The following DNM3 variants were observed in gnomAD, a reference collection of about 807,000 sequenced individuals.
DNM3 encodes the protein dynamin-3.
A neutral mutation model predicts 101.6 loss-of-function variants in DNM3; 47 were observed. The ratio of observed to expected loss-of-function variants is 0.46; its 90% CI spans 0.37 to 0.59. The LOEUF (loss-of-function observed/expected upper bound fraction) is 0.59. Among genes scored for constraint, DNM3 ranks in the 20% least tolerant of loss-of-function variants. The probability of loss-of-function intolerance (pLI) is 0.00; values close to 1 mark genes in which losing one functional copy is unlikely to be tolerated. For synonymous variants in DNM3, 385 were observed against 387.9 expected (o/e 0.99, Z 0.09); for missense variants, 849 against 1,085.7 (o/e 0.78, Z 3.06).
In DNM3 at chr1:172,120,092, T is replaced by A. The variant is rs79563714; in HGVS notation, c.1546-11083T>A. On this transcript the variant is annotated intron_variant, in intron 13 of 20. Coordinates refer to ENST00000627582, the MANE Select transcript of DNM3 (RefSeq NM_015569.5). ...AGAACTTTTCATGTGCAAATATGTA[T>A]TAGTCTGTTCTCACACTGCTAATAA... Among the ~76,000 whole-genome samples, 469 of 152,322 alleles carry A rather than the reference T, an allele frequency of 3.1e-3. 2 individuals carry two copies. Among genetic ancestry groups the A allele is most frequent in the Admixed American group, 3.7e-3 (56 of 15,300 alleles).
At chr1:172,361,524 G>T (rs111301305) in intron 17 of DNM3, among the ~76,000 whole-genome samples, 1 of 151,790 alleles carries the variant, frequency 6.6e-6, no homozygotes, top group African/African-American at 2.4e-5. Context: ...TTTACTGCAG[G>T]GTTCTCAAAC....
intron 1 of DNM3, among the ~76,000 whole-genome samples, chr1:171,865,360 T>A (rs1032457301): frequency 1.3e-4 from 19 of 151,330 alleles, no homozygotes; most frequent in African/African-American, 4.6e-4. Context: ...TACAAAAAAA[T>A]ACAAGAATTA....
At chr1:172,229,281 A>G (rs2061247256) in intron 14 of DNM3, among the ~76,000 whole-genome samples, 1 of 152,192 alleles carries the variant, frequency 6.6e-6, no homozygotes, top group Non-Finnish European at 1.5e-5. Flanking sequence ...AGAACTAGAA[A>G]CATTTCTCTA....
intron 12 of DNM3, among the ~76,000 whole-genome samples, chr1:172,091,132 A>G (rs573362705): frequency 8.3e-4 from 127 of 152,240 alleles, no homozygotes; most frequent in Non-Finnish European, 1.4e-3. Flanking sequence ...CTCTGTGCTT[A>G]TGTCTAAAAT....
chr1:172,394,539 T>C (rs1558085969), intron 20 of DNM3: 1 of 152,260 alleles, frequency 6.6e-6, no homozygotes, highest in Non-Finnish European at 1.5e-5. Context: ...TAACTGGCAT[T>C]AAGCTAACCA....
At chr1:172,044,522 A>C in intron 9 of DNM3, 70 bp downstream of exon 9, 1 of 1,313,946 alleles carries the variant, frequency 7.6e-7, no homozygotes, top group South Asian at 1.4e-5. Context: ...ATAAATGGCT[A>C]GGAAACTCGT....
At position 172,204,549 on chromosome 1, in the gene DNM3, C is replaced by T. The variant is rs1463924425; in HGVS notation, c.1660-49024C>T. Among the ~76,000 whole-genome samples, 115 of 152,136 alleles carry T rather than the reference C, an allele frequency of 7.6e-4. 1 individual carries two copies. Among genetic ancestry groups the T allele is most frequent in the Admixed American group, 7.5e-3 (115 of 15,254 alleles). ...TAAATTGGTTTATTTTTTGCCTTTG[C>T]CTCCATGCCCTGCAAACCTATTGCT... On this transcript the variant is annotated intron_variant, in intron 14 of 20. Coordinates refer to ENST00000627582, the MANE Select transcript of DNM3 (RefSeq NM_015569.5).
intron 1 of DNM3, among the ~76,000 whole-genome samples, chr1:171,852,923 G>T (rs994130157): frequency 6.6e-6 from 1 of 152,102 alleles, no homozygotes; most frequent in Non-Finnish European, 1.5e-5. Flanking sequence ...AACAGTCTAC[G>T]ATTTGGCTTG....
intron 1 of DNM3, among the ~76,000 whole-genome samples, chr1:171,887,623 T>A (rs1469210332): frequency 3.9e-5 from 6 of 152,142 alleles, no homozygotes; most frequent in Admixed American, 2.0e-4. Context: ...TTAATTAATT[T>A]ATTTTTTTTT....
intron 14 of DNM3, among the ~76,000 whole-genome samples, chr1:172,233,779 A>G (rs1304525453): frequency 6.6e-6 from 1 of 152,206 alleles, no homozygotes; most frequent in Non-Finnish European, 1.5e-5. Flanking sequence ...AACAGAACCA[A>G]CGACAAAAAC....
chr1:171,963,699 T>A (rs1884995), intron 2 of DNM3, among the ~76,000 whole-genome samples: 146,954 of 151,178 alleles, frequency 0.97, 71,446 homozygotes, highest in East Asian at 1. Flanking sequence ...GTCTTTTTTT[T>A]AAAAAGTGGT....
chr1:171,905,289 T>A (rs1033012590), intron 1 of DNM3, among the ~76,000 whole-genome samples: 14 of 152,182 alleles, frequency 9.2e-5, no homozygotes, highest in Admixed American at 2.6e-4. Flanking sequence ...AAATGCTAAC[T>A]CATCATTCAA....
chr1:171,906,170 C>T (rs2125252193), intron 1 of DNM3, among the ~76,000 whole-genome samples: 1 of 151,182 alleles, frequency 6.6e-6, no homozygotes, highest in African/African-American at 2.4e-5. Flanking sequence ...TTCTGTCACC[C>T]AGGCTGGAGT....
chr1:171,942,200 G>GGTTTT (rs2041859779), intron 2 of DNM3, among the ~76,000 whole-genome samples: 2 of 73,792 alleles, frequency 2.7e-5, no homozygotes, highest in Non-Finnish European at 5.6e-5. Flanking sequence ...CTGCTCACTT[G>GGTTTT]ATTTTTTTTT....
chr1:172,071,086 C>CATATATATATATAT lies in DNM3; in HGVS notation c.1422+2202_1422+2215dup, dbSNP rs56255511. On this transcript the variant is annotated intron_variant, in intron 11 of 20. Coordinates refer to ENST00000627582, the MANE Select transcript of DNM3 (RefSeq NM_015569.5). ...GCCTGGGTGACAGAGCAAGACCCTGCATATATATATATATATATATATATA... is the reference window on the plus strand; with the variant it reads ...GCCTGGGTGACAGAGCAAGACCCTGCATATATATATATATATATATATATATATATATATATATA... Among the ~76,000 whole-genome samples the CATATATATATATAT allele has an allele frequency of 3.2e-3, 210 of 65,054 alleles. 4 individuals carry two copies. Among genetic ancestry groups the CATATATATATATAT allele is most frequent in the East Asian group, 0.01 (15 of 1,452 alleles). 42.7% of individuals were successfully genotyped at this position (65,054 alleles called of 152,430 possible).
chr1:172,298,936 T>C (rs1307600955), intron 15 of DNM3, among the ~76,000 whole-genome samples: 1 of 151,770 alleles, frequency 6.6e-6, no homozygotes. Flanking sequence ...AGATGCATAA[T>C]TCTGAAATCA....
At chr1:171,865,704 A>G (rs2034673330) in intron 1 of DNM3, among the ~76,000 whole-genome samples, 1 of 152,154 alleles carries the variant, frequency 6.6e-6, no homozygotes, top group South Asian at 2.1e-4. Flanking sequence ...CAGTTTTGTT[A>G]TCTTCGAGGA....
At chr1:172,280,180 C>A (rs2063437704) in intron 15 of DNM3, among the ~76,000 whole-genome samples, 1 of 152,016 alleles carries the variant, frequency 6.6e-6, no homozygotes, top group Non-Finnish European at 1.5e-5. Flanking sequence ...CATGCCCCAC[C>A]CCCTCAGTTC....
chr1:172,228,457 C>T (rs1451942159), intron 14 of DNM3, among the ~76,000 whole-genome samples: 13 of 152,016 alleles, frequency 8.6e-5, no homozygotes, highest in Non-Finnish European at 1.5e-5. Flanking sequence ...CCACAGGCTT[C>T]TGTTGTCTAA....
Sources: allele counts gnomAD v4.1 joint callset (sites outside exome capture counted in the v4.1 genomes callset), GRCh38; gene constraint gnomAD v4.1.1; transcripts MANE v1.5; gene names NCBI Gene and HGNC (gene_info 2026-07-23, HGNC 2026-07-21).